SLC39A11: variants seen among roughly 807,000 people sequenced by gnomAD.
The protein encoded by SLC39A11 is solute carrier family 39 member 11, also known as zinc transporter ZIP11.
Under a neutral mutation model 36.1 loss-of-function variants are expected in SLC39A11, and 33 were observed. The observed-to-expected ratio is 0.91, with a 90% CI of 0.69 to 1.22. The LOEUF (loss-of-function observed/expected upper bound fraction) is 1.22, where lower values mean the gene tolerates loss of function less well. SLC39A11 is among the 50% of genes most tolerant of loss of function. SLC39A11 has a pLI of 0.00. For synonymous variants in SLC39A11, 166 were observed against 170.3 expected, an observed-to-expected ratio of 0.97 and a Z score of 0.20; for missense variants, 432 against 430.3, an observed-to-expected ratio of 1.00 and a Z score of -0.03.
At chr17:73,034,680 G>A (rs550938890) in intron 3 of SLC39A11, among the ~76,000 whole-genome samples, 13 of 152,120 alleles carry the variant, frequency 8.5e-5, no homozygotes, top group East Asian at 1.9e-4. Context: ...ACATAACATC[G>A]CTGTCAGCAT....
chr17:72,956,111 C>T (rs1040940735), intron 4 of SLC39A11, among the ~76,000 whole-genome samples: 9 of 152,178 alleles, frequency 5.9e-5, no homozygotes, highest in Admixed American at 2.6e-4. Context: ...CTGAAGCCCA[C>T]GATCCCTCCA....
At chr17:72,817,630 C>T (rs886916518) in intron 6 of SLC39A11, among the ~76,000 whole-genome samples, 5 of 152,182 alleles carry the variant, frequency 3.3e-5, no homozygotes, top group South Asian at 2.1e-4. Context: ...ACTCCCAAGA[C>T]GAACAAAGTA....
intron 4 of SLC39A11, among the ~76,000 whole-genome samples, chr17:72,958,221 T>C (rs1283809299): frequency 1.3e-5 from 2 of 152,208 alleles, no homozygotes; most frequent in Non-Finnish European, 2.9e-5. Context: ...CAACTCAAGA[T>C]GGACTAAGCA....
At chr17:72,991,934 G>T (rs760445974) in intron 4 of SLC39A11, among the ~76,000 whole-genome samples, 3 of 152,212 alleles carry the variant, frequency 2.0e-5, no homozygotes, top group Admixed American at 1.3e-4. Context: ...CAAGATGGTT[G>T]TATCAATTTG....
At chr17:72,887,619 T>C (rs985945398) in intron 5 of SLC39A11, among the ~76,000 whole-genome samples, 22 of 152,362 alleles carry the variant, frequency 1.4e-4, no homozygotes, top group African/African-American at 5.3e-4. Context: ...ACATCTTATT[T>C]GCATTCTGAA....
At chr17:72,937,778 G>A (rs1285521279) in intron 5 of SLC39A11, among the ~76,000 whole-genome samples, 2 of 152,174 alleles carry the variant, frequency 1.3e-5, no homozygotes, top group Non-Finnish European at 2.9e-5. Context: ...AGATTGACTT[G>A]AGCAAACCTC....
intron 3 of SLC39A11, among the ~76,000 whole-genome samples, chr17:73,073,216 C>T (rs1453156495): frequency 6.6e-6 from 1 of 152,186 alleles, no homozygotes; most frequent in African/African-American, 2.4e-5. Flanking sequence ...CTCCTCATCA[C>T]ATAAACTCTA....
intron 5 of SLC39A11, among the ~76,000 whole-genome samples, chr17:72,858,048 CCT>C (rs1437239674): frequency 6.6e-6 from 1 of 152,078 alleles, no homozygotes; most frequent in East Asian, 1.9e-4. Context: ...GAAATCTTTC[CCT>C]GTTCCTATGT....
At chr17:72,691,115 C>A (rs1385164945) in intron 7 of SLC39A11, among the ~76,000 whole-genome samples, 1 of 152,120 alleles carries the variant, frequency 6.6e-6, no homozygotes, top group African/African-American at 2.4e-5. Flanking sequence ...GGTGGGGGAC[C>A]TCCTGGGAGC....
chr17:72,986,068 G>A (rs1170172020), intron 4 of SLC39A11, among the ~76,000 whole-genome samples: 1 of 152,172 alleles, frequency 6.6e-6, no homozygotes, highest in Non-Finnish European at 1.5e-5. Flanking sequence ...ACATGGCCCT[G>A]CTGACATCTT....
At chr17:72,762,426 T>C (rs1404265476) in intron 6 of SLC39A11, among the ~76,000 whole-genome samples, 1 of 152,140 alleles carries the variant, frequency 6.6e-6, no homozygotes, top group African/African-American at 2.4e-5. Flanking sequence ...AGTTACCCTA[T>C]ATGGTCTAAA....
At chr17:72,680,685 A>C (rs1344307641) in intron 7 of SLC39A11, among the ~76,000 whole-genome samples, 2 of 152,248 alleles carry the variant, frequency 1.3e-5, no homozygotes, top group Non-Finnish European at 2.9e-5. Context: ...AGGATAGACT[A>C]ATACAATAAA....
At position 72,764,354 on chromosome 17, in the gene SLC39A11, C is replaced by T. The variant is rs576928779; in HGVS notation, c.602-27635G>A. On this transcript the variant is annotated intron_variant, in intron 6 of 9. Transcript: ENST00000255559. ...CAGCTGTGGTGGGGACAAGGCAAAG[C>T]TCTTCTGTGCTTGGCAAGGACACAG... Among the ~76,000 whole-genome samples, 7 of 152,260 alleles carry T rather than the reference C, an allele frequency of 4.6e-5. No homozygotes were observed. The South Asian group carries it at 8.3e-4, about 18-fold the overall frequency.
chr17:72,657,848 T>G (rs1045908038), intron 7 of SLC39A11, among the ~76,000 whole-genome samples: 1 of 152,244 alleles, frequency 6.6e-6, no homozygotes, highest in Non-Finnish European at 1.5e-5. Flanking sequence ...AATGGTCTGA[T>G]GCAAATTTTG....
At chr17:72,871,220 C>T (rs142320706) in intron 5 of SLC39A11, among the ~76,000 whole-genome samples, 52 of 151,938 alleles carry the variant, frequency 3.4e-4, no homozygotes, top group Middle Eastern at 3.4e-3. Context: ...TGCCACAATG[C>T]CCGGCTAATT....
intron 4 of SLC39A11, among the ~76,000 whole-genome samples, chr17:72,984,590 G>C (rs1046446334): frequency 1.3e-5 from 2 of 152,172 alleles, no homozygotes; most frequent in African/African-American, 4.8e-5. Context: ...AGCAAGGCAA[G>C]TTATCAGGCC....
intron 7 of SLC39A11, among the ~76,000 whole-genome samples, chr17:72,694,073 G>A (rs1174507886): frequency 2.6e-5 from 4 of 152,236 alleles, no homozygotes; most frequent in African/African-American, 9.6e-5. Flanking sequence ...AGAGGAAGAA[G>A]AGGAGGAAGA....
At chr17:72,789,250 G>T (rs948578376) in intron 6 of SLC39A11, among the ~76,000 whole-genome samples, 1 of 152,150 alleles carries the variant, frequency 6.6e-6, no homozygotes, top group Non-Finnish European at 1.5e-5. Flanking sequence ...GGCCAGGCTG[G>T]TCTCAAACTC....
At chr17:72,941,309 G>A (rs1567990331) in intron 5 of SLC39A11, among the ~76,000 whole-genome samples, 2 of 152,146 alleles carry the variant, frequency 1.3e-5, no homozygotes, top group Admixed American at 6.5e-5. Flanking sequence ...ACAGGGAGAC[G>A]ACAGCCATCT....
Sources: gnomAD v4.1 joint callset for allele counts (sites outside exome capture counted in the v4.1 genomes callset) on GRCh38, gnomAD v4.1.1 for gene constraint, MANE v1.5 for transcripts, NCBI Gene and HGNC (gene_info 2026-07-23, HGNC 2026-07-21) for gene names.